Variants in SDHAF3 observed in about 807,000 individuals in gnomAD.
SDHAF3 encodes the protein succinate dehydrogenase assembly factor 3, mitochondrial.
SDHAF3 carries 18 observed loss-of-function variants against 11.5 expected under a neutral mutation model. The ratio of observed to expected loss-of-function variants is 1.56; its 90% CI spans 1.08 to 2.32. The LOEUF is 2.32. SDHAF3 is among the 30% of genes most tolerant of loss of function. The pLI is 0.00. For missense variants in SDHAF3, 200 were observed against 154.4 expected, an observed-to-expected ratio of 1.30 and a Z score of -1.57; for synonymous variants, 72 against 59.3, an observed-to-expected ratio of 1.21 and a Z score of -0.99.
At chr7:97,131,749 A>T (rs997523202) in intron 1 of SDHAF3, among the ~76,000 whole-genome samples, 2 of 152,196 alleles carry the variant, frequency 1.3e-5, no homozygotes, top group African/African-American at 4.8e-5. Flanking sequence ...ATAGGAAAAA[A>T]CTTAAAGCTT....
intron 1 of SDHAF3, among the ~76,000 whole-genome samples, chr7:97,138,612 T>C (rs1747539660): frequency 6.6e-6 from 1 of 152,242 alleles, no homozygotes; most frequent in Non-Finnish European, 1.5e-5. Flanking sequence ...CTCTGTGACC[T>C]TGGGTAATTT....
intron 1 of SDHAF3, among the ~76,000 whole-genome samples, chr7:97,140,239 A>G (rs942576963): frequency 2.6e-5 from 4 of 151,782 alleles, no homozygotes; most frequent in Non-Finnish European, 4.4e-5. Flanking sequence ...TTTCAAAACA[A>G]CCTTCATATG....
intron 1 of SDHAF3, among the ~76,000 whole-genome samples, chr7:97,170,139 G>A (rs1396195854): frequency 6.6e-6 from 1 of 151,138 alleles, no homozygotes; most frequent in East Asian, 1.9e-4. Context: ...TGGTGTCATT[G>A]ATGCATAGTG....
chr7:97,141,420 G>A (rs747331622), intron 1 of SDHAF3, among the ~76,000 whole-genome samples: 9 of 152,046 alleles, frequency 5.9e-5, no homozygotes, highest in Non-Finnish European at 1.0e-4. Flanking sequence ...GGGGCATCAC[G>A]GAACCTGCCA....
chr7:97,161,885 A>G (rs902212808), intron 1 of SDHAF3, among the ~76,000 whole-genome samples: 2 of 152,252 alleles, frequency 1.3e-5, no homozygotes, highest in Non-Finnish European at 2.9e-5. Flanking sequence ...ATAGTGATGC[A>G]GTAAACATAC....
intron 1 of SDHAF3, among the ~76,000 whole-genome samples, chr7:97,168,636 A>T (rs1789553283): frequency 6.6e-6 from 1 of 152,144 alleles, no homozygotes; most frequent in South Asian, 2.1e-4. Context: ...GCTAATGAAG[A>T]TGGAAAAAGT....
chr7:97,130,853 C>T (rs992360486), intron 1 of SDHAF3, among the ~76,000 whole-genome samples: 2 of 152,154 alleles, frequency 1.3e-5, no homozygotes, highest in East Asian at 1.9e-4. Flanking sequence ...TTTATGGGCT[C>T]AGAATGGAGG....
intron 1 of SDHAF3, among the ~76,000 whole-genome samples, chr7:97,120,172 A>G (rs6946160): frequency 0.18 from 27,940 of 152,048 alleles, 2,997 homozygotes; most frequent in Non-Finnish European, 0.25. Context: ...ATTAGTTGAC[A>G]CGCGTCTGTA....
chr7:97,168,628 T>C (rs534685467), intron 1 of SDHAF3, among the ~76,000 whole-genome samples: 2 of 152,292 alleles, frequency 1.3e-5, no homozygotes, highest in South Asian at 4.1e-4. Flanking sequence ...AGGTGTGGGC[T>C]AATGAAGATG....
chr7:97,159,916 C>T (rs138697597), intron 1 of SDHAF3, among the ~76,000 whole-genome samples: 753 of 152,266 alleles, frequency 4.9e-3, no homozygotes, highest in Non-Finnish European at 6.0e-3. Flanking sequence ...TTCTCTACTC[C>T]GCCATATTTG....
intron 1 of SDHAF3, among the ~76,000 whole-genome samples, chr7:97,178,950 T>C (rs1165478498): frequency 5.3e-5 from 8 of 152,190 alleles, no homozygotes; most frequent in Admixed American, 2.0e-4. Flanking sequence ...TATTTTCTTC[T>C]AGGATTCTCA....
intron 1 of SDHAF3, among the ~76,000 whole-genome samples, chr7:97,153,066 T>C (rs1420555211): frequency 6.6e-6 from 1 of 152,248 alleles, no homozygotes; most frequent in East Asian, 1.9e-4. Context: ...CCTGTCACTG[T>C]CTTTGTTTCA....
intron 1 of SDHAF3, among the ~76,000 whole-genome samples, chr7:97,164,193 A>G (rs1789462200): frequency 1.3e-5 from 2 of 151,240 alleles, no homozygotes; most frequent in South Asian, 4.2e-4. Context: ...CAGCCTCCCA[A>G]AGTGCTGGGA....
In SDHAF3 at chr7:97,180,997, T is replaced by C. The variant is rs773812476; in HGVS notation, c.175-15T>C. 6.2e-7 allele frequency: 1 copy of C among 1,601,680 alleles called. No individual in the cohort carries two copies. The highest frequency in any genetic ancestry group is 8.5e-7 in the Non-Finnish European group (1 of 1,174,460). On this transcript the variant is annotated splice_polypyrimidine_tract_variant and intron_variant, in intron 1 of 1. Coordinates refer to ENST00000432641, the MANE Select transcript of SDHAF3 (RefSeq NM_020186.3). Reference sequence around the variant, plus strand: ...TAAACTTTACATCTATAACCTTCATTCTTTATCTTTTTAGGTGTATGCAAC... The same window carrying C: ...TAAACTTTACATCTATAACCTTCATCCTTTATCTTTTTAGGTGTATGCAAC...
chr7:97,167,991 A>C (rs1175790170), intron 1 of SDHAF3, among the ~76,000 whole-genome samples: 1 of 152,172 alleles, frequency 6.6e-6, no homozygotes. Flanking sequence ...CTAGAGGCCC[A>C]CGTGCACTGG....
intron 1 of SDHAF3, among the ~76,000 whole-genome samples, chr7:97,129,259 C>T (rs1168874075): frequency 1.3e-5 from 2 of 152,162 alleles, no homozygotes; most frequent in African/African-American, 4.8e-5. Context: ...CCTGTATTTG[C>T]TTCCTGCTCC....
chr7:97,176,242 C>T (rs1189192513), intron 1 of SDHAF3, among the ~76,000 whole-genome samples: 1 of 152,178 alleles, frequency 6.6e-6, no homozygotes, highest in Non-Finnish European at 1.5e-5. Context: ...TCAAAAGTGT[C>T]TCTCTTCGAC....
chr7:97,141,086 G>T (rs1207209601), intron 1 of SDHAF3, among the ~76,000 whole-genome samples: 1 of 152,206 alleles, frequency 6.6e-6, no homozygotes, highest in Non-Finnish European at 1.5e-5. Context: ...GCTGAGGGAT[G>T]AAATAAGCCC....
At chr7:97,145,773 G>T (rs1291005159) in intron 1 of SDHAF3, among the ~76,000 whole-genome samples, 4 of 152,074 alleles carry the variant, frequency 2.6e-5, no homozygotes, top group African/African-American at 7.2e-5. Flanking sequence ...CTTAATTGAA[G>T]AAATTATTTC....
Sources: gnomAD v4.1 joint callset for allele counts (sites outside exome capture counted in the v4.1 genomes callset) on GRCh38, gnomAD v4.1.1 for gene constraint, MANE v1.5 for transcripts, NCBI Gene and HGNC (gene_info 2026-07-23, HGNC 2026-07-21) for gene names.